Variants in SUGCT observed in about 807,000 individuals in gnomAD.
SUGCT encodes the protein succinyl-CoA:glutarate CoA-transferase.
SUGCT carries 41 observed loss-of-function variants against 55.0 expected under a neutral mutation model. The ratio of observed to expected loss-of-function variants is 0.74; its 90% CI spans 0.58 to 0.97. The LOEUF is 0.97. Among genes scored for constraint, SUGCT ranks in the 50% least tolerant of loss-of-function variants. The pLI is 0.00. For missense variants in SUGCT, 568 were observed against 547.8 expected (o/e 1.04, Z -0.37); for synonymous variants, 187 against 200.4 (o/e 0.93, Z 0.56).
intron 12 of SUGCT, among the ~76,000 whole-genome samples, chr7:40,530,859 C>T (rs559216941): frequency 2.4e-4 from 37 of 151,904 alleles, no homozygotes; most frequent in Admixed American, 3.9e-4. Flanking sequence ...TTTGTTTTTT[C>T]GATCATGGGT....
chr7:40,178,463 AT>A (rs1196123318), intron 1 of SUGCT, among the ~76,000 whole-genome samples: 1 of 151,834 alleles, frequency 6.6e-6, no homozygotes, highest in East Asian at 1.9e-4. Context: ...CTAAAAATAT[AT>A]TTTTTTCTAC....
intron 13 of SUGCT, among the ~76,000 whole-genome samples, chr7:40,815,940 G>A (rs1791650077): frequency 6.6e-6 from 1 of 152,222 alleles, no homozygotes; most frequent in African/African-American, 2.4e-5. Flanking sequence ...CCAAATGCCT[G>A]GATTTCTGCC....
chr7:40,336,584 C>T (rs546842232), intron 9 of SUGCT, among the ~76,000 whole-genome samples: 7 of 152,234 alleles, frequency 4.6e-5, no homozygotes, highest in Admixed American at 6.5e-5. Context: ...TCTGTGGGAT[C>T]GGTCATGATA....
the SUGCT span, among the ~76,000 whole-genome samples, chr7:41,019,336 A>G: frequency 4.6e-5 from 7 of 152,184 alleles, no homozygotes; most frequent in Non-Finnish European, 8.8e-5. Context: ...ACTTGTCATA[A>G]ATATGTTAAG....
chr7:40,842,396 T>C (rs1296187266), intron 13 of SUGCT, among the ~76,000 whole-genome samples: 1 of 152,212 alleles, frequency 6.6e-6, no homozygotes, highest in Non-Finnish European at 1.5e-5. Flanking sequence ...TTTTCCTGAC[T>C]CATTTTGCAT....
intron 13 of SUGCT, among the ~76,000 whole-genome samples, chr7:40,755,972 G>A (rs1185438051): frequency 6.6e-6 from 1 of 152,202 alleles, no homozygotes; most frequent in Non-Finnish European, 1.5e-5. Flanking sequence ...ACTAGTGGGT[G>A]TTGGATGCAG....
chr7:40,446,680 G>A (rs564353474), intron 9 of SUGCT, among the ~76,000 whole-genome samples: 2 of 152,218 alleles, frequency 1.3e-5, no homozygotes, highest in Admixed American at 1.3e-4. Context: ...CAATCATTTG[G>A]TTGATTCATT....
intron 6 of SUGCT, among the ~76,000 whole-genome samples, chr7:40,235,222 G>T (rs1486921824): frequency 6.6e-6 from 1 of 152,094 alleles, no homozygotes; most frequent in Admixed American, 6.6e-5. Flanking sequence ...TTGTGACAAA[G>T]ATCATTTCTG....
At chr7:40,256,030 A>C (rs1206484868) in intron 7 of SUGCT, among the ~76,000 whole-genome samples, 1 of 152,208 alleles carries the variant, frequency 6.6e-6, no homozygotes, top group Non-Finnish European at 1.5e-5. Context: ...TCTCCTTGAC[A>C]GAGTTGGATC....
intron 9 of SUGCT, among the ~76,000 whole-genome samples, chr7:40,433,528 G>A (rs1788017465): frequency 6.6e-6 from 1 of 152,054 alleles, no homozygotes; most frequent in South Asian, 2.1e-4. Context: ...ACTTAGTTAA[G>A]CCGAATATGG....
intron 6 of SUGCT, among the ~76,000 whole-genome samples, chr7:40,233,280 C>T (rs1788825981): frequency 6.6e-6 from 1 of 151,972 alleles, no homozygotes; most frequent in African/African-American, 2.4e-5. Flanking sequence ...AGTGCAATGG[C>T]ACGATCTCAG....
At chr7:40,167,458 T>C (rs1784475124) in intron 1 of SUGCT, among the ~76,000 whole-genome samples, 1 of 152,154 alleles carries the variant, frequency 6.6e-6, no homozygotes, top group African/African-American at 2.4e-5. Context: ...GGGTCTTTGT[T>C]CTTAGAGCTC....
At chr7:40,505,595 CT>C (rs1261883563) in intron 12 of SUGCT, among the ~76,000 whole-genome samples, 2 of 151,984 alleles carry the variant, frequency 1.3e-5, no homozygotes, top group African/African-American at 4.8e-5. Context: ...CAGTTTTGTA[CT>C]GATTTAATTA....
intron 11 of SUGCT, among the ~76,000 whole-genome samples, chr7:40,490,355 C>G (rs1791613346): frequency 6.6e-6 from 1 of 152,054 alleles, no homozygotes. Context: ...GTGGTCTAGC[C>G]CTGCTGGTAC....
the SUGCT span, among the ~76,000 whole-genome samples, chr7:40,914,780 G>A: frequency 6.6e-6 from 1 of 152,128 alleles, no homozygotes; most frequent in Non-Finnish European, 1.5e-5. Flanking sequence ...AGAAATTCAG[G>A]ATATTGAAAC....
At chr7:40,602,239 A>C (rs1489527009) in intron 12 of SUGCT, among the ~76,000 whole-genome samples, 1 of 152,206 alleles carries the variant, frequency 6.6e-6, no homozygotes, top group Admixed American at 6.5e-5. Flanking sequence ...TTACTGAGGC[A>C]GTAGGATGCT....
chr7:40,832,086 A>T (rs17714394), intron 13 of SUGCT, among the ~76,000 whole-genome samples: 4,847 of 152,264 alleles, frequency 0.032, 165 homozygotes, highest in East Asian at 0.16. Context: ...GCCTGTCTCC[A>T]TTCACAAGGG....
intron 12 of SUGCT, among the ~76,000 whole-genome samples, chr7:40,562,804 A>G (rs1014958045): frequency 6.6e-6 from 1 of 152,214 alleles, no homozygotes; most frequent in Non-Finnish European, 1.5e-5. Flanking sequence ...GGTTTGTGCT[A>G]TGCAAACTGG....
intron 12 of SUGCT, among the ~76,000 whole-genome samples, chr7:40,579,733 C>T (rs1348031235): frequency 6.6e-6 from 1 of 152,128 alleles, no homozygotes; most frequent in African/African-American, 2.4e-5. Context: ...TTGGACAGGT[C>T]AGGACTGGAG....
Sources: allele counts gnomAD v4.1 joint callset (sites outside exome capture counted in the v4.1 genomes callset), GRCh38; gene constraint gnomAD v4.1.1; transcripts MANE v1.5; gene names NCBI Gene and HGNC (gene_info 2026-07-23, HGNC 2026-07-21).